Variants in TEX15 observed in about 807,000 individuals in gnomAD.
TEX15 encodes the protein testis expressed 15, meiosis and synapsis associated, also known as testis-expressed protein 15.
A neutral mutation model predicts 237.3 loss-of-function variants in TEX15; 171 were observed. The ratio of observed to expected loss-of-function variants is 0.72; its 90% CI spans 0.64 to 0.82. The LOEUF (loss-of-function observed/expected upper bound fraction) is 0.82, where lower values mean the gene tolerates loss of function less well. Among genes scored for constraint, TEX15 ranks in the 40% least tolerant of loss-of-function variants. TEX15 has a pLI of 0.00. For synonymous variants in TEX15, 1,338 were observed against 1,269.8 expected (o/e 1.05, Z -1.14); for missense variants, 3,750 against 3,646.5 (o/e 1.03, Z -0.73).
chr8:30,882,630 G>A (rs1308890866), intron 3 of TEX15, among the ~76,000 whole-genome samples: 2 of 152,106 alleles, frequency 1.3e-5, no homozygotes, highest in African/African-American at 4.8e-5. Flanking sequence ...GGCCCAAGAT[G>A]TTGTCTGTTT....
chr8:30,858,626 C>G, intron 7 of TEX15, 42 bp downstream of exon 7: 4 of 1,454,280 alleles, frequency 2.8e-6, no homozygotes, highest in Non-Finnish European at 2.7e-6. Flanking sequence ...ATTTTAAGAC[C>G]AGCACAAATA....
At chr8:30,873,103 T>C (rs1366711775) in intron 4 of TEX15, among the ~76,000 whole-genome samples, 1 of 152,158 alleles carries the variant, frequency 6.6e-6, no homozygotes, top group East Asian at 1.9e-4. Context: ...TCACAACATA[T>C]TCCTGTCATT....
chr8:30,899,847 T>C (rs1808975616), intron 1 of TEX15, among the ~76,000 whole-genome samples: 1 of 152,140 alleles, frequency 6.6e-6, no homozygotes, highest in African/African-American at 2.4e-5. Context: ...AATGACCTAT[T>C]ATAATGAGCT....
intron 8 of TEX15, among the ~76,000 whole-genome samples, 189 bp from the exon 9 acceptor site, chr8:30,840,153 A>T (rs1807416971): frequency 6.6e-6 from 1 of 151,964 alleles, no homozygotes; most frequent in Admixed American, 6.6e-5. Flanking sequence ...ATATGTTTGG[A>T]GTAACTTTAA....
Position 30,836,874 on chromosome 8 carries a change from T to G in TEX15, c.9410A>C (p.Gln3137Pro). 6.2e-7 allele frequency: 1 copy of G among 1,614,160 alleles called. No individual in the cohort carries two copies. ...AGGGTATGTAGCTTGTGGTAATGGC[T>G]GATGAGAAGCATATTGTGAAAAAAT... ...QPIFSQYASH[Q>P]PLPQATYPYL... Residue 3137 changes from glutamine to proline, a missense_variant, in exon 10 of 11, where the codon CAG becomes CCG. Gln to Pro is a moderately conservative substitution (Grantham distance 76). Coordinates refer to ENST00000643185, the MANE Select transcript of TEX15 (RefSeq NM_001350162.2).
intron 3 of TEX15, among the ~76,000 whole-genome samples, chr8:30,878,669 G>A (rs893444948): frequency 2.0e-5 from 3 of 152,152 alleles, no homozygotes; most frequent in African/African-American, 7.2e-5. Context: ...ATACATGCGT[G>A]AGCCACTGTG....
chr8:30,879,098 G>T (rs1224170076), intron 3 of TEX15, among the ~76,000 whole-genome samples: 1 of 151,104 alleles, frequency 6.6e-6, no homozygotes, highest in Non-Finnish European at 1.5e-5. Flanking sequence ...GTCTATTCAT[G>T]TCTTTTTCTT....
At chr8:30,905,546 T>C (rs1037771573) in intron 1 of TEX15, among the ~76,000 whole-genome samples, 1 of 152,072 alleles carries the variant, frequency 6.6e-6, no homozygotes, top group East Asian at 1.9e-4. Context: ...AGAAAATTAT[T>C]TGACTTATTC....
Position 30,849,233 on chromosome 8 carries a change from T to G in TEX15, c.934A>C (p.Lys312Gln). Reference protein sequence around the residue: ...KDATVTFVHFKKPVDPFVQEN... With the variant: ...KDATVTFVHFQKPVDPFVQEN... ...TGAACAAATGGATCTACAGGTTTCT[T>G]GAAATGCACAAAGGTGACAGTAGCA... The change falls in exon 8 of 11, where the codon AAG (lysine) becomes CAG (glutamine). Residue 312 changes from lysine to glutamine, a missense_variant. By Grantham distance (53) the Lys-to-Gln change is moderately conservative. Transcript: ENST00000643185. The G allele has an allele frequency of 6.5e-7, 1 of 1,536,234 alleles. No individual in the cohort carries two copies. Among genetic ancestry groups the G allele is most frequent in the Non-Finnish European group, 8.7e-7 (1 of 1,146,886 alleles).
At chr8:30,892,668 TA>T (rs1469956431) in intron 2 of TEX15, among the ~76,000 whole-genome samples, 1 of 152,232 alleles carries the variant, frequency 6.6e-6, no homozygotes, top group African/African-American at 2.4e-5. Flanking sequence ...GTATTTATTC[TA>T]AGGTACTTTA....
chr8:30,831,611 A>G lies in TEX15; in HGVS notation c.*1675T>C, dbSNP rs1807181919. The G allele has an allele frequency of 6.6e-6, 1 of 152,238 alleles. No individual in the cohort carries two copies. The highest frequency in any genetic ancestry group is 1.5e-5 in the Non-Finnish European group (1 of 68,036). 9.4% of individuals were successfully genotyped at this position (152,238 alleles called of 1,614,324 possible). On this transcript the variant is annotated 3_prime_UTR_variant, in exon 11 of 11. Transcript: ENST00000643185. Reference sequence around the variant, plus strand: ...AGATTTTTTAAAAATGTAACTGAATATTTAGGTAAGTCTTTAAGAGAAATT... The same window carrying G: ...AGATTTTTTAAAAATGTAACTGAATGTTTAGGTAAGTCTTTAAGAGAAATT...
At chr8:30,878,969 T>G (rs1808461515) in intron 3 of TEX15, among the ~76,000 whole-genome samples, 1 of 152,252 alleles carries the variant, frequency 6.6e-6, no homozygotes, top group African/African-American at 2.4e-5. Flanking sequence ...TTTTCAGCTA[T>G]TCTAACAAGT....
At chr8:30,859,610 G>A (rs1807996499) in intron 6 of TEX15, among the ~76,000 whole-genome samples, 1 of 152,002 alleles carries the variant, frequency 6.6e-6, no homozygotes, top group Non-Finnish European at 1.5e-5. Context: ...TATTAAGTAT[G>A]GTCACCCTGC....
chr8:30,858,625 C>A, intron 7 of TEX15, 43 bp downstream of exon 7: 1 of 1,452,690 alleles, frequency 6.9e-7, no homozygotes, highest in Non-Finnish European at 9.2e-7. Context: ...AATTTTAAGA[C>A]CAGCACAAAT....
At position 30,854,766 on chromosome 8, in the gene TEX15, G is replaced by A. The variant is rs117392157; in HGVS notation, c.850+3902C>T. ...ATAAAATTGCAGCAAACTGATTCCAGGAACATATAAAATGAATTATACACC... is the reference window on the plus strand; with the variant it reads ...ATAAAATTGCAGCAAACTGATTCCAAGAACATATAAAATGAATTATACACC... On this transcript the variant is annotated intron_variant, in intron 7 of 10. Transcript: ENST00000643185. Among the ~76,000 whole-genome samples, 1,052 of 152,032 alleles carry A rather than the reference G, an allele frequency of 6.9e-3. 11 individuals carry two copies. Among genetic ancestry groups the A allele is most frequent in the Non-Finnish European group, 0.01 (686 of 67,962 alleles).
rs1396432435 is a variant in TEX15, at chr8:30,832,582, A to G, written c.*704T>C. On this transcript the variant is annotated 3_prime_UTR_variant, in exon 11 of 11. Transcript: ENST00000643185. ...GTTTAAATTACTGTAATAAAGACTA[A>G]CTGCATAAGCATAAACATTATTCTC... 1.3e-5 allele frequency: 2 copies of G among 152,228 alleles called. No individual in the cohort carries two copies. The highest frequency in any genetic ancestry group is 1.3e-4 in the Admixed American group (2 of 15,284). The allele number at this position is 152,228 out of a possible 1,614,324, so 9.4% of individuals were successfully genotyped here. A position where few individuals can be genotyped will look rare whatever the true frequency, so the allele number is the denominator to read the frequency against.
chr8:30,889,192 TAA>T (rs1171530077), intron 2 of TEX15, among the ~76,000 whole-genome samples: 7 of 152,134 alleles, frequency 4.6e-5, no homozygotes, highest in Admixed American at 2.0e-4. Context: ...TAACTACAGT[TAA>T]GTTACATATT....
intron 4 of TEX15, among the ~76,000 whole-genome samples, chr8:30,868,182 A>G (rs1262295709): frequency 1.3e-5 from 2 of 152,054 alleles, no homozygotes; most frequent in East Asian, 3.8e-4. Context: ...AGGTAAAGAA[A>G]ATTAGGAATC....
intron 2 of TEX15, among the ~76,000 whole-genome samples, chr8:30,888,960 C>A (rs1419899841): frequency 6.6e-6 from 1 of 152,168 alleles, no homozygotes; most frequent in African/African-American, 2.4e-5. Context: ...CTAAGATGCA[C>A]CAGCTCTAGA....
Sources: gnomAD v4.1 joint callset for allele counts (sites outside exome capture counted in the v4.1 genomes callset) on GRCh38, gnomAD v4.1.1 for gene constraint, MANE v1.5 for transcripts, NCBI Gene and HGNC (gene_info 2026-07-23, HGNC 2026-07-21) for gene names.